TEX264: variants seen among roughly 807,000 people sequenced by gnomAD.
TEX264 encodes testis expressed 264, ER-phagy receptor.
A neutral mutation model predicts 23.4 loss-of-function variants in TEX264; 13 were observed. The observed-to-expected ratio is 0.56, with a 90% CI of 0.36 to 0.88. The LOEUF (loss-of-function observed/expected upper bound fraction) is 0.88, where lower values mean the gene tolerates loss of function less well. TEX264 is among the 40% of genes least tolerant of loss of function. The probability of loss-of-function intolerance (pLI) is 0.01; values close to 1 mark genes in which losing one functional copy is unlikely to be tolerated. For missense variants in TEX264, 340 were observed against 406.8 expected, an observed-to-expected ratio of 0.84 and a Z score of 1.41; for synonymous variants, 159 against 170.0, an observed-to-expected ratio of 0.94 and a Z score of 0.50.
At chr3:51,676,060 A>T (rs1487571370) in intron 2 of TEX264, among the ~76,000 whole-genome samples, 1 of 152,104 alleles carries the variant, frequency 6.6e-6, no homozygotes, top group African/African-American at 2.4e-5. Flanking sequence ...TGGCCAGGAG[A>T]TGGCACTAAC....
In TEX264 at chr3:51,692,926, G is replaced by A. The variant is rs146337576; in HGVS notation, c.481-6480G>A. 3.9e-5 allele frequency among the ~76,000 whole-genome samples: 6 copies of A among 152,388 alleles called. 1 individual carries two copies. In the East Asian group the frequency reaches 1.2e-3, roughly 29 times the overall value. ...CAACGGCCCAGGCCCAAGAAGGCCA[G>A]AGCAGGGCTGAACCAGGGTTGTATC... On this transcript the variant is annotated intron_variant, in intron 3 of 4. Coordinates refer to ENST00000341333, the MANE Select transcript of TEX264 (RefSeq NM_015926.6).
chr3:51,685,540 C>T (rs1702593179), intron 3 of TEX264, among the ~76,000 whole-genome samples: 1 of 152,210 alleles, frequency 6.6e-6, no homozygotes, highest in Non-Finnish European at 1.5e-5. Context: ...GGGACAGCCT[C>T]TCAGAGGAGA....
rs1326654692 is a variant in TEX264 at position 51,686,046 on chromosome 3, G to T, written c.480+1412G>T. Among the ~76,000 whole-genome samples, 2 of 152,140 alleles carry T rather than the reference G, an allele frequency of 1.3e-5. No individual in the cohort carries two copies. Among genetic ancestry groups the T allele is most frequent in the African/African-American group, 4.8e-5 (2 of 41,408 alleles). On this transcript the variant is annotated intron_variant, in intron 3 of 4. Coordinates refer to ENST00000341333, the MANE Select transcript of TEX264 (RefSeq NM_015926.6). The surrounding 1 kb of genome is among the most constrained non-coding windows in gnomAD (Gnocchi z 4.1). ...GGGAGGCCCTGGTTTTGGGGGGAAG[G>T]TAGCTATTTGGGCTATGTCAGGGGA...
rs956588329 is a variant in TEX264, at chr3:51,686,659, CG to C, written c.480+2027del. On this transcript the variant is annotated intron_variant, in intron 3 of 4. Transcript: ENST00000341333. The surrounding 1 kb of genome is among the most constrained non-coding windows in gnomAD (Gnocchi z 4.1). ...GGGGCAGGATGTGCTTGCCTGGCTGCGGTTGGACTGGAGGTGGGGGCGGGCT... is the reference window on the plus strand; with the variant it reads ...GGGGCAGGATGTGCTTGCCTGGCTGCGTTGGACTGGAGGTGGGGGCGGGCT... Among the ~76,000 whole-genome samples, 2 of 146,212 alleles carry C rather than the reference CG, an allele frequency of 1.4e-5. No individual in the cohort carries two copies. Among genetic ancestry groups the C allele is most frequent in the Admixed American group, 6.9e-5 (1 of 14,588 alleles).
At chr3:51,684,745 C>A in intron 3 of TEX264, 111 bp downstream of exon 3, 1 of 1,026,522 alleles carries the variant, frequency 9.7e-7, no homozygotes, top group Non-Finnish European at 1.4e-6. Flanking sequence ...GAGCAGCACC[C>A]TGGGGCCCTC....
rs1298357459 is a variant in TEX264 at position 51,691,032 on chromosome 3, T to C, written c.480+6398T>C. ...TCAATTTGGGATATGCTCGGGATGG[T>C]GCCCCAGGGTGGGCTTTCTTTCCTT... On this transcript the variant is annotated intron_variant, in intron 3 of 4. Transcript: ENST00000341333. The surrounding 1 kb of genome is among the most constrained non-coding windows in gnomAD (Gnocchi z 4.4). 1.3e-5 allele frequency among the ~76,000 whole-genome samples: 2 copies of C among 152,232 alleles called. No individual in the cohort carries two copies. The highest frequency in any genetic ancestry group is 3.8e-4 in the East Asian group (2 of 5,202).
At chr3:51,676,274 C>G (rs1702224701) in intron 2 of TEX264, among the ~76,000 whole-genome samples, 1 of 152,180 alleles carries the variant, frequency 6.6e-6, no homozygotes, top group South Asian at 2.1e-4. Context: ...TCTGCCTGTT[C>G]TGGAATCAAC....
rs922039264 is a variant in TEX264 at position 51,691,130 on chromosome 3, C to T, written c.480+6496C>T. ...TAGGAGACTGCTGGGGGAGCCGAGG[C>T]AAAGCACAGGAAGAGGCTGTGTACC... On this transcript the variant is annotated intron_variant, in intron 3 of 4. Coordinates refer to ENST00000341333, the MANE Select transcript of TEX264 (RefSeq NM_015926.6). The surrounding 1 kb of genome is among the most constrained non-coding windows in gnomAD (Gnocchi z 4.4). Among the ~76,000 whole-genome samples, 1 of 152,190 alleles carries T rather than the reference C, an allele frequency of 6.6e-6. No homozygotes were observed. Among genetic ancestry groups the T allele is most frequent in the Non-Finnish European group, 1.5e-5 (1 of 68,036 alleles).
At chr3:51,699,925 T>A (rs1193636945) in intron 4 of TEX264, among the ~76,000 whole-genome samples, 2 of 151,782 alleles carry the variant, frequency 1.3e-5, no homozygotes, top group Non-Finnish European at 2.9e-5. Flanking sequence ...AGGAAAGGAG[T>A]CCCTTGGGTG....
Position 51,674,275 on chromosome 3 carries a change from C to T in TEX264, c.-30C>T, listed in dbSNP as rs1702153710. 3 of 1,612,958 alleles carry T rather than the reference C, an allele frequency of 1.9e-6. No homozygotes were observed. The highest frequency in any genetic ancestry group is 2.5e-6 in the Non-Finnish European group (3 of 1,179,142). On this transcript the variant is annotated 5_prime_UTR_variant, in exon 2 of 5. Transcript: ENST00000341333. Reference sequence around the variant, plus strand: ...TCCCTTCTTTCTCCTTTGCAGCTGCCTTGAGGTGCAGTGTTGGGGATCCAG... The same window carrying T: ...TCCCTTCTTTCTCCTTTGCAGCTGCTTTGAGGTGCAGTGTTGGGGATCCAG...
chr3:51,697,079 A>G (rs1703088314), intron 3 of TEX264, among the ~76,000 whole-genome samples: 2 of 152,212 alleles, frequency 1.3e-5, no homozygotes, highest in Admixed American at 1.3e-4. Context: ...GTTCTCCCTG[A>G]TGGCTTTGAG....
At chr3:51,694,045 T>TCCTTCCTCCCTC (rs1702942792) in intron 3 of TEX264, among the ~76,000 whole-genome samples, 1 of 117,370 alleles carries the variant, frequency 8.5e-6, no homozygotes, top group African/African-American at 3.3e-5. Flanking sequence ...CTTCCTTCCT[T>TCCTTCCTCCCTC]CCTCCCTTCC....
At chr3:51,700,773 C>T (rs1360202199) in intron 4 of TEX264, among the ~76,000 whole-genome samples, 2 of 151,852 alleles carry the variant, frequency 1.3e-5, no homozygotes, top group Admixed American at 6.6e-5. Context: ...GTAGTGGCAG[C>T]TCCCACATTC....
intron 3 of TEX264, among the ~76,000 whole-genome samples, chr3:51,689,896 C>T (rs1419716431): frequency 1.3e-5 from 2 of 152,100 alleles, no homozygotes; most frequent in Non-Finnish European, 2.9e-5. Flanking sequence ...GGAAGCTGGA[C>T]CTGGAGGGAC....
rs769934796 is a variant in TEX264 at position 51,684,605 on chromosome 3, G to A, written c.451G>A (p.Val151Ile). 11 of 1,614,106 alleles carry A rather than the reference G, an allele frequency of 6.8e-6. 1 individual carries two copies. Among genetic ancestry groups the A allele is most frequent in the Middle Eastern group, 1.6e-4 (1 of 6,084 alleles). Residue 151 changes from valine (V) to isoleucine (I), a missense_variant, in exon 3 of 5, where the codon GTC becomes ATC. Physicochemically the swap from Val to Ile is conservative, Grantham distance 29. Transcript: ENST00000341333. The part of the protein sequence containing the change: ...ILSIWLATRR[V>I]HPALDTYIKE... ...GTCCATCTGGCTGGCTACCCGCCGTGTCCATCCTGCCTTGGACACCTACAT... is the reference window on the plus strand; with the variant it reads ...GTCCATCTGGCTGGCTACCCGCCGTATCCATCCTGCCTTGGACACCTACAT...
Position 51,703,662 on chromosome 3 carries a change from T to G in TEX264, c.650-62T>G. 2 of 1,509,634 alleles carry G rather than the reference T, an allele frequency of 1.3e-6. No individual in the cohort carries two copies. Among genetic ancestry groups the G allele is most frequent in the Admixed American group, 4.1e-5 (2 of 48,788 alleles). 93.5% of individuals were successfully genotyped at this position (1,509,634 alleles called of 1,614,324 possible). A position where few individuals can be genotyped will look rare whatever the true frequency, so the allele number is the denominator to read the frequency against. ...TGAGTGCACTGCGTGCTGAGTTGCCTCTCCCTGGAGGAGGGGGTGGGGTGG... is the reference window on the plus strand; with the variant it reads ...TGAGTGCACTGCGTGCTGAGTTGCCGCTCCCTGGAGGAGGGGGTGGGGTGG... On this transcript the variant is annotated intron_variant, in intron 4 of 4. Transcript: ENST00000341333. This position sits in a 1 kb window ranked among gnomAD's most constrained non-coding sequence, Gnocchi z 4.8.
chr3:51,673,660 T>A (rs1326156887), intron 1 of TEX264, among the ~76,000 whole-genome samples: 1 of 152,242 alleles, frequency 6.6e-6, no homozygotes, highest in African/African-American at 2.4e-5. Flanking sequence ...GTAAGCTTGC[T>A]GGATAGCAAG....
chr3:51,683,220 C>T (rs886798614), intron 2 of TEX264: 7 of 152,150 alleles, frequency 4.6e-5, no homozygotes, highest in Non-Finnish European at 1.0e-4. Flanking sequence ...ATTGAGGGTA[C>T]AAGGTCTGTG....
In TEX264 at chr3:51,699,011, T is replaced by C. The variant is rs114394882; in HGVS notation, c.481-395T>C. On this transcript the variant is annotated intron_variant, in intron 3 of 4. Transcript: ENST00000341333. ...GTCCTGGGATGGAAAGTCTGGTAGGTGAGACCTTGGCTTAGGCACATGGGG... is the reference window on the plus strand; with the variant it reads ...GTCCTGGGATGGAAAGTCTGGTAGGCGAGACCTTGGCTTAGGCACATGGGG... Among the ~76,000 whole-genome samples, 505 of 152,176 alleles carry C rather than the reference T, an allele frequency of 3.3e-3. 2 individuals are homozygous for C. Among genetic ancestry groups the C allele is most frequent in the Non-Finnish European group, 5.5e-3 (375 of 67,984 alleles).
Sources: allele counts gnomAD v4.1 joint callset (sites outside exome capture counted in the v4.1 genomes callset), GRCh38; gene constraint gnomAD v4.1.1; non-coding constraint Gnocchi (gnomAD v3.1); transcripts MANE v1.5; gene names NCBI Gene and HGNC (gene_info 2026-07-23, HGNC 2026-07-21).